The following CWC27 variants were observed in gnomAD, a reference collection of about 807,000 sequenced individuals.
CWC27 encodes the protein CWC27 spliceosome associated cyclophilin.
Under a neutral mutation model 63.6 loss-of-function variants are expected in CWC27, and 47 were observed. That is an observed-to-expected ratio of 0.74 (90% confidence interval 0.58 to 0.94). The LOEUF (loss-of-function observed/expected upper bound fraction) is 0.94. Ranked by LOEUF, CWC27 falls within the 40% of genes least tolerant of loss-of-function variation. The pLI, the probability that CWC27 is intolerant of heterozygous loss-of-function variation, is 0.00. For synonymous variants in CWC27, 175 were observed against 179.8 expected (o/e 0.97, Z 0.22); for missense variants, 495 against 554.3 (o/e 0.89, Z 1.07).
At chr5:64,949,810 G>T (rs1424152824) in intron 11 of CWC27, among the ~76,000 whole-genome samples, 1 of 151,916 alleles carries the variant, frequency 6.6e-6, no homozygotes, top group African/African-American at 2.4e-5. Flanking sequence ...AGTTGTTTAA[G>T]ATCATTTCTC....
intron 11 of CWC27, among the ~76,000 whole-genome samples, chr5:64,944,251 C>A (rs139026376): frequency 6.6e-6 from 1 of 151,646 alleles, no homozygotes; most frequent in East Asian, 1.9e-4. Flanking sequence ...GCTTCCTTTT[C>A]TAGAAAAAAA....
intron 13 of CWC27, among the ~76,000 whole-genome samples, chr5:64,993,985 A>C (rs1749586024): frequency 1.3e-5 from 2 of 152,166 alleles, no homozygotes; most frequent in Admixed American, 1.3e-4. Context: ...ATTTCTACAT[A>C]GTTGTCTGTA....
intron 2 of CWC27, among the ~76,000 whole-genome samples, chr5:64,781,305 G>T (rs1443030088): frequency 6.6e-6 from 1 of 152,206 alleles, no homozygotes; most frequent in Admixed American, 6.5e-5. Flanking sequence ...TTTATTCAAA[G>T]TTTCTTGAGG....
At chr5:64,772,966 TGTG>T (rs1743321018) in intron 1 of CWC27, among the ~76,000 whole-genome samples, 1 of 151,198 alleles carries the variant, frequency 6.6e-6, no homozygotes, top group South Asian at 2.1e-4. Context: ...TTTTTGGCAT[TGTG>T]GTGTAATTTT....
intron 11 of CWC27, among the ~76,000 whole-genome samples, chr5:64,931,376 ATTAT>A (rs1484252740): frequency 6.6e-6 from 1 of 151,954 alleles, no homozygotes; most frequent in Non-Finnish European, 1.5e-5. Context: ...AGTTTTTAAT[ATTAT>A]TCTTTAACTT....
intron 13 of CWC27, among the ~76,000 whole-genome samples, chr5:65,002,666 G>T (rs1422502555): frequency 6.6e-6 from 1 of 151,792 alleles, no homozygotes; most frequent in Non-Finnish European, 1.5e-5. Context: ...ATATGATTTT[G>T]ATTTTTTTTT....
intron 11 of CWC27, among the ~76,000 whole-genome samples, chr5:64,890,099 G>A (rs987980821): frequency 2.6e-5 from 4 of 152,160 alleles, no homozygotes; most frequent in African/African-American, 9.7e-5. Context: ...CAGCTTTAAA[G>A]AGATAAGGTG....
At chr5:64,933,630 C>T (rs1748285052) in intron 11 of CWC27, among the ~76,000 whole-genome samples, 1 of 151,692 alleles carries the variant, frequency 6.6e-6, no homozygotes, top group South Asian at 2.1e-4. Context: ...GTAGCTGGGA[C>T]TACAGGCATG....
intron 10 of CWC27, among the ~76,000 whole-genome samples, chr5:64,859,103 T>C (rs1746334343): frequency 6.6e-6 from 1 of 152,238 alleles, no homozygotes. Context: ...CTACTGACAC[T>C]ACAGTAATTT....
chr5:64,897,544 A>G (rs1267169493), intron 11 of CWC27, among the ~76,000 whole-genome samples: 1 of 152,170 alleles, frequency 6.6e-6, no homozygotes, highest in Non-Finnish European at 1.5e-5. Context: ...ATGAGAACAC[A>G]TGGACACAGG....
At chr5:64,814,103 A>G (rs1021751651) in intron 10 of CWC27, among the ~76,000 whole-genome samples, 6 of 151,232 alleles carry the variant, frequency 4.0e-5, no homozygotes, top group Non-Finnish European at 7.4e-5. Flanking sequence ...TAGGTCATCA[A>G]CTATTATTAG....
chr5:64,935,322 G>A (rs1748323704), intron 11 of CWC27, among the ~76,000 whole-genome samples: 1 of 152,102 alleles, frequency 6.6e-6, no homozygotes, highest in Admixed American at 6.6e-5. Flanking sequence ...CCTGCTTATG[G>A]CTAGCCAGTT....
At chr5:64,891,037 A>G (rs1377886088) in intron 11 of CWC27, among the ~76,000 whole-genome samples, 1 of 152,156 alleles carries the variant, frequency 6.6e-6, no homozygotes, top group African/African-American at 2.4e-5. Context: ...GAAACACAAG[A>G]ACATAAGAGT....
At chr5:64,864,385 G>C (rs2112315638) in intron 10 of CWC27, among the ~76,000 whole-genome samples, 1 of 152,184 alleles carries the variant, frequency 6.6e-6, no homozygotes, top group East Asian at 1.9e-4. Flanking sequence ...AATAAGATAA[G>C]ATCTTTCCAG....
intron 10 of CWC27, among the ~76,000 whole-genome samples, chr5:64,848,967 G>C (rs1746060749): frequency 6.6e-6 from 1 of 152,048 alleles, no homozygotes; most frequent in South Asian, 2.1e-4. Context: ...TATTCAGATA[G>C]CACTAGAATT....
intron 1 of CWC27, among the ~76,000 whole-genome samples, chr5:64,769,838 G>A (rs1251755495): frequency 6.6e-6 from 1 of 152,154 alleles, no homozygotes; most frequent in Non-Finnish European, 1.5e-5. Context: ...GGGAAATGGG[G>A]ACTATTACCA....
intron 11 of CWC27, among the ~76,000 whole-genome samples, chr5:64,949,845 T>C (rs1160323562): frequency 6.6e-6 from 1 of 152,014 alleles, no homozygotes; most frequent in African/African-American, 2.4e-5. Context: ...TGATACTCTT[T>C]CATCATTGGA....
chr5:64,804,511 A>C, intron 10 of CWC27, 125 bp downstream of exon 10: 2 of 1,058,036 alleles, frequency 1.9e-6, no homozygotes, highest in Non-Finnish European at 2.6e-6. Flanking sequence ...TAAACATAAC[A>C]GTTGTACAAA....
chr5:64,795,485 G>T lies in CWC27; in HGVS notation c.670-4763G>T, dbSNP rs889764351. Among the ~76,000 whole-genome samples, 4 of 152,120 alleles carry T rather than the reference G, an allele frequency of 2.6e-5. No homozygotes were observed. In the East Asian group the frequency reaches 7.7e-4, roughly 29 times the overall value. ...CACTGGGCTAAATATCAAGGCATTT[G>T]CAGGGACTTCTTTCTGGAGTCTCTG... On this transcript the variant is annotated intron_variant, in intron 7 of 13. Transcript: ENST00000381070.
Sources: gnomAD v4.1 joint callset for allele counts (sites outside exome capture counted in the v4.1 genomes callset) on GRCh38, gnomAD v4.1.1 for gene constraint, MANE v1.5 for transcripts, NCBI Gene and HGNC (gene_info 2026-07-23, HGNC 2026-07-21) for gene names.